The following AFDN variants were observed in gnomAD, a reference collection of about 807,000 sequenced individuals.
The protein encoded by AFDN is afadin.
In AFDN, 68 loss-of-function variants were observed where a neutral mutation model predicts 216.6. That is an observed-to-expected ratio of 0.31 (90% CI 0.26 to 0.38). The LOEUF is 0.38. Ranked by LOEUF, AFDN falls within the 10% of genes least tolerant of loss-of-function variation. The pLI is 1.00. For synonymous variants in AFDN, 868 were observed against 853.7 expected (o/e 1.02, Z -0.29); for missense variants, 2,136 against 2,342.0 (o/e 0.91, Z 1.82).
At chr6:167,969,651 T>C in intron 33 of AFDN, 131 bp from the exon 34 acceptor site, 1 of 830,968 alleles carries the variant, frequency 1.2e-6, no homozygotes, top group Non-Finnish European at 1.8e-6. Context: ...ATTTCGATTA[T>C]AAGAAAGGTT....
chr6:167,943,321 C>T (rs932467570), intron 24 of AFDN, 81 bp from the exon 25 acceptor site: 4 of 1,432,194 alleles, frequency 2.8e-6, no homozygotes, highest in Non-Finnish European at 3.9e-6. Flanking sequence ...AATAGAGTAT[C>T]TACTCATCAT....
At chr6:167,920,174 G>C (rs1791597889) in intron 21 of AFDN, among the ~76,000 whole-genome samples, 1 of 152,152 alleles carries the variant, frequency 6.6e-6, no homozygotes, top group African/African-American at 2.4e-5. Flanking sequence ...TGAAGGAAGA[G>C]GGGTAGGAGC....
At chr6:167,849,322 G>A (rs1207050655) in intron 1 of AFDN, among the ~76,000 whole-genome samples, 1 of 152,056 alleles carries the variant, frequency 6.6e-6, no homozygotes, top group Non-Finnish European at 1.5e-5. Flanking sequence ...TGTGGGGGGG[G>A]AGAGATTTCC....
At chr6:167,955,785 G>C (rs1259182055) in intron 30 of AFDN, among the ~76,000 whole-genome samples, 1 of 151,988 alleles carries the variant, frequency 6.6e-6, no homozygotes, top group East Asian at 1.9e-4. Flanking sequence ...TCTTAGCCCA[G>C]TTCCCCAGTA....
At chr6:167,922,997 CT>C in intron 22 of AFDN, 38 bp downstream of exon 22, 3 of 1,378,154 alleles carry the variant, frequency 2.2e-6, no homozygotes, top group Non-Finnish European at 3.1e-6. Flanking sequence ...GAAATGGATC[CT>C]TAGGACTTGA....
chr6:167,952,449 A>C (rs1001732235), intron 30 of AFDN: 3 of 985,386 alleles, frequency 3.0e-6, no homozygotes, highest in Non-Finnish European at 3.6e-6. Context: ...TAGCAAACTC[A>C]TAATTATCCT....
intron 9 of AFDN, among the ~76,000 whole-genome samples, chr6:167,895,581 A>T (rs1304468308): frequency 6.6e-6 from 1 of 152,176 alleles, no homozygotes; most frequent in Non-Finnish European, 1.5e-5. Context: ...CAGAAATAGA[A>T]AATTTTGTCA....
At chr6:167,967,981 T>A (rs1189154672) in intron 32 of AFDN, among the ~76,000 whole-genome samples, 1 of 152,140 alleles carries the variant, frequency 6.6e-6, no homozygotes, top group Non-Finnish European at 1.5e-5. Flanking sequence ...TATGAAAGAT[T>A]CATTACTAAA....
chr6:167,841,726 CAGTT>C (rs554796186), intron 1 of AFDN, among the ~76,000 whole-genome samples: 190 of 152,172 alleles, frequency 1.2e-3, no homozygotes, highest in African/African-American at 4.2e-3. Context: ...CATAATATAT[CAGTT>C]AGAGTGTTTC....
At chr6:167,881,182 G>GT (rs1342729941) in intron 6 of AFDN, among the ~76,000 whole-genome samples, 1 of 152,076 alleles carries the variant, frequency 6.6e-6, no homozygotes, top group Non-Finnish European at 1.5e-5. Context: ...TGCCTCTCTT[G>GT]TTAGCTACAG....
intron 1 of AFDN, among the ~76,000 whole-genome samples, chr6:167,829,555 C>T (rs919493180): frequency 7.2e-5 from 11 of 151,984 alleles, no homozygotes; most frequent in Non-Finnish European, 4.4e-5. Flanking sequence ...ATCAGATGTT[C>T]AGTAGATGTT....
intron 27 of AFDN, among the ~76,000 whole-genome samples, chr6:167,947,586 G>T (rs1795469104): frequency 6.6e-6 from 1 of 152,278 alleles, no homozygotes; most frequent in Admixed American, 6.5e-5. Flanking sequence ...TTACTTTCTG[G>T]CCTATTACCA....
chr6:167,858,667 A>G (rs943694649), intron 1 of AFDN, among the ~76,000 whole-genome samples: 2 of 152,172 alleles, frequency 1.3e-5, no homozygotes, highest in African/African-American at 4.8e-5. Flanking sequence ...TAACGAAGTC[A>G]TTTGATTTTA....
At chr6:167,943,279 T>TAA (rs1794906221) in intron 24 of AFDN, 85 bp downstream of exon 24, 2 of 1,418,410 alleles carry the variant, frequency 1.4e-6, no homozygotes, top group Non-Finnish European at 2.0e-6. Context: ...TACTTCTAGT[T>TAA]ATGTAGCACT....
rs1790764392 is a variant in AFDN at position 167,914,218 on chromosome 6, T to C, written c.2109T>C (p.Ser703=). The change falls in exon 17 of 34, where the codon TCT becomes TCC. Residue 703 remains serine, a synonymous_variant. Transcript: ENST00000683244. ...GALAFWMANA[S]ELLNFIKQDR... is the part of the protein sequence containing the mutation. The stretch of plus-strand genomic sequence containing the variant: ...TTGCCTTCTGGATGGCAAATGCATC[T>C]GAACTTCTCAACTTCATTAAGCAAG... 1 of 1,614,106 alleles carries C rather than the reference T, an allele frequency of 6.2e-7. No homozygotes were observed. Among genetic ancestry groups the C allele is most frequent in the African/African-American group, 1.3e-5 (1 of 74,952 alleles).
intron 1 of AFDN, among the ~76,000 whole-genome samples, chr6:167,847,610 T>C (rs1280957826): frequency 6.6e-6 from 1 of 152,226 alleles, no homozygotes; most frequent in Admixed American, 6.5e-5. Context: ...TATCTAATCT[T>C]AGCAGCAGAT....
chr6:167,853,186 T>A (rs1419951334), intron 1 of AFDN, among the ~76,000 whole-genome samples: 2 of 152,110 alleles, frequency 1.3e-5, no homozygotes, highest in Non-Finnish European at 2.9e-5. Flanking sequence ...CAATTCAGAA[T>A]GGCCTTGTAT....
intron 19 of AFDN, 132 bp from the exon 20 acceptor site, chr6:167,916,953 AGTCT>A (rs1352951836): frequency 2.7e-6 from 2 of 737,978 alleles, no homozygotes; most frequent in Admixed American, 6.2e-5. Flanking sequence ...TGTAAATGGA[AGTCT>A]GTTTCCTGAA....
At chr6:167,913,583 A>T in intron 16 of AFDN, 160 bp downstream of exon 16, 1 of 610,882 alleles carries the variant, frequency 1.6e-6, no homozygotes, top group Non-Finnish European at 2.8e-6. Flanking sequence ...TGACTGTGCA[A>T]CCTTTATCGG....
Sources: allele counts gnomAD v4.1 joint callset (sites outside exome capture counted in the v4.1 genomes callset), GRCh38; gene constraint gnomAD v4.1.1; transcripts MANE v1.5; gene names NCBI Gene and HGNC (gene_info 2026-07-23, HGNC 2026-07-21).